Variants in LCORL observed in about 807,000 individuals in gnomAD.
The protein encoded by LCORL is ligand dependent nuclear receptor corepressor like.
Under a neutral mutation model 141.8 loss-of-function variants are expected in LCORL, and 41 were observed. That is an observed-to-expected ratio of 0.29 (90% CI 0.23 to 0.38). The LOEUF is 0.38. Ranked by LOEUF, LCORL falls within the 10% of genes least tolerant of loss-of-function variation. The probability of loss-of-function intolerance (pLI) is 1.00; values close to 1 mark genes in which losing one functional copy is unlikely to be tolerated. For synonymous variants in LCORL, 618 were observed against 694.1 expected (o/e 0.89, Z 1.72); for missense variants, 1,759 against 2,035.0 (o/e 0.86, Z 2.61).
chr4:18,002,509 G>C (rs1299239222), intron 1 of LCORL, among the ~76,000 whole-genome samples: 1 of 151,948 alleles, frequency 6.6e-6, no homozygotes, highest in Non-Finnish European at 1.5e-5. Context: ...GCAACAGTAA[G>C]ACAACATGTC....
intron 4 of LCORL, among the ~76,000 whole-genome samples, chr4:17,924,794 T>C (rs1375698611): frequency 6.6e-6 from 1 of 152,146 alleles, no homozygotes; most frequent in Non-Finnish European, 1.5e-5. Flanking sequence ...AGTAGCTGGA[T>C]TGATAGAATG....
At chr4:18,020,086 A>G (rs1396173833) in intron 1 of LCORL, among the ~76,000 whole-genome samples, 1 of 152,234 alleles carries the variant, frequency 6.6e-6, no homozygotes, top group Non-Finnish European at 1.5e-5. Flanking sequence ...TAAATTACTT[A>G]AACATCACTT....
chr4:17,962,072 T>G, intron 3 of LCORL, 40 bp from the exon 4 acceptor site: 1 of 1,433,586 alleles, frequency 7.0e-7, no homozygotes, highest in Non-Finnish European at 9.5e-7. Context: ...GAATTATTTT[T>G]TAATTCAAAC....
chr4:17,920,702 T>G (rs1734151934), intron 4 of LCORL, among the ~76,000 whole-genome samples: 1 of 152,236 alleles, frequency 6.6e-6, no homozygotes, highest in Non-Finnish European at 1.5e-5. Context: ...ATATTCTAAA[T>G]CCTTTGGTGT....
chr4:17,942,538 A>T (rs1303548923), intron 4 of LCORL, among the ~76,000 whole-genome samples: 1 of 152,218 alleles, frequency 6.6e-6, no homozygotes, highest in African/African-American at 2.4e-5. Context: ...TAAGAAAAGC[A>T]TTTACCTAGA....
At chr4:17,960,541 T>A (rs1186175033) in intron 4 of LCORL, among the ~76,000 whole-genome samples, 1 of 152,168 alleles carries the variant, frequency 6.6e-6, no homozygotes, top group Non-Finnish European at 1.5e-5. Flanking sequence ...GTGATACAAG[T>A]CTGATAACAT....
At chr4:17,949,848 T>C (rs1280941877) in intron 4 of LCORL, among the ~76,000 whole-genome samples, 5 of 152,128 alleles carry the variant, frequency 3.3e-5, no homozygotes, top group Non-Finnish European at 5.9e-5. Context: ...CTGTACAAAC[T>C]ACATAATTTG....
exon 4 of LCORL, chr4:17,961,945 A>C: frequency 6.2e-7 from 1 of 1,610,710 alleles, no homozygotes; most frequent in East Asian, 2.2e-5. Flanking sequence ...TCTGCTTGGC[A>C]TTCAATCTTA....
chr4:17,945,857 A>T (rs1738793315), intron 4 of LCORL, among the ~76,000 whole-genome samples: 1 of 152,042 alleles, frequency 6.6e-6, no homozygotes, highest in Admixed American at 6.6e-5. Flanking sequence ...GTTTCACTCT[A>T]AAGTTACCTA....
At chr4:17,907,524 A>C (rs970796292) in intron 5 of LCORL, among the ~76,000 whole-genome samples, 3 of 152,204 alleles carry the variant, frequency 2.0e-5, no homozygotes, top group African/African-American at 7.2e-5. Context: ...AGGAGATATA[A>C]GGGAATATAA....
At chr4:17,992,105 T>A (rs1560453655) in intron 1 of LCORL, among the ~76,000 whole-genome samples, 1 of 152,210 alleles carries the variant, frequency 6.6e-6, no homozygotes, top group Non-Finnish European at 1.5e-5. Context: ...TATGAACAAA[T>A]ACCCATGACT....
intron 1 of LCORL, among the ~76,000 whole-genome samples, chr4:17,973,315 G>T (rs1025332109): frequency 4.0e-5 from 6 of 151,612 alleles, no homozygotes; most frequent in African/African-American, 1.5e-4. Context: ...GGGTCAATAG[G>T]GAGAAATCTT....
chr4:17,872,103 C>T (rs1221888557), intron 7 of LCORL, among the ~76,000 whole-genome samples: 1 of 151,446 alleles, frequency 6.6e-6, no homozygotes, highest in African/African-American at 2.4e-5. Context: ...CTTCCCCAAC[C>T]CCCCCAAAAA....
chr4:17,856,859 A>G (rs907486265), intron 7 of LCORL, among the ~76,000 whole-genome samples: 1 of 152,128 alleles, frequency 6.6e-6, no homozygotes, highest in African/African-American at 2.4e-5. Context: ...ACTCAACCTA[A>G]AGTAGCTCCC....
chr4:17,893,549 G>A, intron 5 of LCORL: 1 of 985,222 alleles, frequency 1.0e-6, no homozygotes, highest in Non-Finnish European at 1.2e-6. Flanking sequence ...AAAATGGTTT[G>A]GAAGGACTGA....
At chr4:18,009,357 T>C (rs1185682438) in intron 1 of LCORL, among the ~76,000 whole-genome samples, 1 of 150,688 alleles carries the variant, frequency 6.6e-6, no homozygotes, top group African/African-American at 2.4e-5. Context: ...CTCACCTCTC[T>C]TGGCCCCAAA....
At chr4:17,923,726 G>A (rs1266220761) in intron 4 of LCORL, among the ~76,000 whole-genome samples, 2 of 151,972 alleles carry the variant, frequency 1.3e-5, no homozygotes, top group African/African-American at 4.8e-5. Flanking sequence ...TTAATGTAGA[G>A]GAAGGGATCC....
At chr4:17,874,820 G>C in exon 7 of LCORL, 1 of 1,233,734 alleles carries the variant, frequency 8.1e-7, no homozygotes, top group Non-Finnish European at 1.0e-6. Context: ...GCGAAAGTCT[G>C]TTTCTTGGGG....
chr4:17,983,720 T>C (rs1718426990), intron 1 of LCORL, among the ~76,000 whole-genome samples: 1 of 151,994 alleles, frequency 6.6e-6, no homozygotes, highest in Admixed American at 6.6e-5. Context: ...CAGACAAGTA[T>C]AGTTTGACTT....
Sources: gnomAD v4.1 joint callset for allele counts (sites outside exome capture counted in the v4.1 genomes callset) on GRCh38, gnomAD v4.1.1 for gene constraint, MANE v1.5 for transcripts, NCBI Gene and HGNC (gene_info 2026-07-23, HGNC 2026-07-21) for gene names.